Variants in KIN observed in about 807,000 individuals in gnomAD.
KIN encodes the protein DNA/RNA-binding protein KIN17.
KIN carries 47 observed loss-of-function variants against 63.0 expected under a neutral mutation model. The observed-to-expected ratio is 0.75, with a 90% CI of 0.59 to 0.95. The LOEUF (loss-of-function observed/expected upper bound fraction) is 0.95. Ranked by LOEUF, KIN falls within the 40% of genes least tolerant of loss-of-function variation. KIN has a pLI of 0.00. For missense variants in KIN, 408 were observed against 460.9 expected (o/e 0.89, Z 1.05); for synonymous variants, 160 against 157.7 (o/e 1.01, Z -0.11).
chr10:7,754,438 TC>T lies in KIN; in HGVS notation c.*1641del, dbSNP rs1253832745. ...TCATAAGGTCAAGAGATCGAGACCA[TC>T]CTGGCCAACATGGTGAAACCTCATC... On this transcript the variant is annotated 3_prime_UTR_variant, in exon 13 of 13. Coordinates refer to ENST00000379562, the MANE Select transcript of KIN (RefSeq NM_012311.4). 5.7e-6 allele frequency: 1 copy of T among 174,138 alleles called. No individual in the cohort carries two copies. Among genetic ancestry groups the T allele is most frequent in the Non-Finnish European group, 1.2e-5 (1 of 82,178 alleles). The allele number at this position is 174,138 out of a possible 1,614,324, so 10.8% of individuals were successfully genotyped here. A position where few individuals can be genotyped will look rare whatever the true frequency, so the allele number is the denominator to read the frequency against.
At chr10:7,772,620 T>A (rs55891604) in intron 7 of KIN, among the ~76,000 whole-genome samples, 8,780 of 152,290 alleles carry the variant, frequency 0.058, 857 homozygotes, top group African/African-American at 0.2. Context: ...AATCCCAAAC[T>A]ATATTATGTA....
chr10:7,779,743 AT>A (rs2131027186), intron 4 of KIN, among the ~76,000 whole-genome samples: 1 of 152,330 alleles, frequency 6.6e-6, no homozygotes, highest in East Asian at 1.9e-4. Context: ...TTTATTTTAT[AT>A]AAGGGACTTG....
chr10:7,780,935 T>C (rs1325311202), intron 2 of KIN, among the ~76,000 whole-genome samples: 1 of 152,214 alleles, frequency 6.6e-6, no homozygotes, highest in African/African-American at 2.4e-5. Flanking sequence ...GATGGTGGCA[T>C]AATGACCCCA....
chr10:7,753,787 G>C lies in KIN; in HGVS notation c.*2293C>G, dbSNP rs1047314359. ...TTTGGAAAAACCTTAATTCATCCCT[G>C]AGGAACATTTTCTGTAAAGCTTCTG... is the stretch of plus-strand genomic sequence containing the variant. On this transcript the variant is annotated 3_prime_UTR_variant, in exon 13 of 13. Coordinates refer to ENST00000379562, the MANE Select transcript of KIN (RefSeq NM_012311.4). 9 of 210,530 alleles carry C rather than the reference G, an allele frequency of 4.3e-5. No individual in the cohort carries two copies. The highest frequency in any genetic ancestry group is 1.9e-4 in the African/African-American group (8 of 42,744). 13.0% of individuals were successfully genotyped at this position (210,530 alleles called of 1,614,324 possible).
intron 5 of KIN, among the ~76,000 whole-genome samples, chr10:7,778,213 A>G (rs1835819834): frequency 6.6e-6 from 1 of 152,154 alleles, no homozygotes; most frequent in Non-Finnish European, 1.5e-5. Flanking sequence ...CCAGTACTGA[A>G]TTAATTATAA....
intron 9 of KIN, among the ~76,000 whole-genome samples, chr10:7,765,156 T>A (rs1244804407): frequency 1.1e-5 from 1 of 90,644 alleles, no homozygotes; most frequent in African/African-American, 4.8e-5. Flanking sequence ...CAAAACTCCA[T>A]CTCAAAAAAA....
Position 7,763,735 on chromosome 10 carries a change from CT to C in KIN, c.905del (p.Lys302ArgfsTer7). The C allele has an allele frequency of 4.0e-6, 6 of 1,488,148 alleles. No homozygotes were observed. The highest frequency in any genetic ancestry group is 1.2e-5 in the South Asian group (1 of 83,498). The allele number at this position is 1,488,148 out of a possible 1,614,324, so 92.2% of individuals were successfully genotyped here. On this transcript the variant is annotated frameshift_variant, in exon 10 of 13. Transcript: ENST00000379562. LOFTEE classifies it high-confidence loss of function. ...TGCACGTCCTTACCTTAACAATAGCCTTTTTCTTATGATATTTCTCTCCCAG... is the reference window on the plus strand; with the variant it reads ...TGCACGTCCTTACCTTAACAATAGCCTTTTCTTATGATATTTCTCTCCCAG... ...KKLGEKYHKK[K>X]AIVKEVIDKY...
intron 12 of KIN, among the ~76,000 whole-genome samples, chr10:7,759,075 G>A (rs536850666): frequency 1.2e-4 from 19 of 152,044 alleles, no homozygotes; most frequent in Non-Finnish European, 2.4e-4. Flanking sequence ...AACTCCCCAA[G>A]AGAACAAATA....
rs1835276507 is a variant in KIN at position 7,753,560 on chromosome 10, T to C, written c.*2520A>G. On this transcript the variant is annotated 3_prime_UTR_variant, in exon 13 of 13. Transcript: ENST00000379562. ...CCTACTATGTGCTGGACTTCATGTC[T>C]GATGATTTATATGTATTTTCTGTAG... The C allele has an allele frequency of 6.5e-6, 1 of 153,236 alleles. No homozygotes were observed. The highest frequency in any genetic ancestry group is 1.5e-5 in the Non-Finnish European group (1 of 68,786). The allele number at this position is 153,236 out of a possible 1,614,324, so 9.5% of individuals were successfully genotyped here.
chr10:7,760,046 T>C lies in KIN; in HGVS notation c.1019-56A>G, dbSNP rs1212366198. 8.2e-6 allele frequency: 7 copies of C among 855,478 alleles called. No homozygotes were observed. In the East Asian group the frequency reaches 1.8e-4, roughly 22 times the overall value. 53.0% of individuals were successfully genotyped at this position (855,478 alleles called of 1,614,324 possible). On this transcript the variant is annotated intron_variant, in intron 11 of 12. Transcript: ENST00000379562. ...TGAAGAAATATCTCCACTTTTCTTC[T>C]AACTTGTTACAGCAAAATGTACTAC...
intron 12 of KIN, among the ~76,000 whole-genome samples, chr10:7,759,579 G>A (rs994553068): frequency 6.6e-6 from 1 of 152,020 alleles, no homozygotes; most frequent in African/African-American, 2.4e-5. Flanking sequence ...ACCAAGATTG[G>A]AAAGGAACAG....
Position 7,779,764 on chromosome 10 carries a change from GA to G in KIN, c.376+291del, listed in dbSNP as rs533512018. 1.4e-3 allele frequency among the ~76,000 whole-genome samples: 219 copies of G among 152,280 alleles called. 1 individual carries two copies. The highest frequency in any genetic ancestry group is 5.1e-3 in the African/African-American group (212 of 41,558). ...TTATATAAGGGACTTGAGTATCTGT[GA>G]ATTTTGGTTATCAGCAAGGGGTCCT... On this transcript the variant is annotated intron_variant, in intron 4 of 12. Transcript: ENST00000379562.
intron 2 of KIN, among the ~76,000 whole-genome samples, chr10:7,781,177 T>C (rs1327990985): frequency 6.6e-6 from 1 of 152,164 alleles, no homozygotes; most frequent in African/African-American, 2.4e-5. Context: ...CCAGAGGTGA[T>C]TTCATTGTGG....
intron 11 of KIN, among the ~76,000 whole-genome samples, chr10:7,760,446 G>A (rs958583095): frequency 6.6e-6 from 1 of 152,130 alleles, no homozygotes; most frequent in Admixed American, 6.5e-5. Flanking sequence ...ACAAAGCTTT[G>A]TACGTATATG....
chr10:7,770,568 C>T (rs887415664), intron 7 of KIN, among the ~76,000 whole-genome samples: 1 of 151,906 alleles, frequency 6.6e-6, no homozygotes, highest in South Asian at 2.1e-4. Context: ...TACGACTCCT[C>T]TCTTGTAGTA....
intron 1 of KIN, among the ~76,000 whole-genome samples, chr10:7,787,465 C>A (rs1308619944): frequency 2.0e-5 from 3 of 152,202 alleles, no homozygotes; most frequent in Non-Finnish European, 4.4e-5. Flanking sequence ...TCTTAAGAGT[C>A]AAGTCAAGTA....
Position 7,752,872 on chromosome 10 carries a change from C to T in KIN, c.*3208G>A, listed in dbSNP as rs749872967. 5 of 152,068 alleles carry T rather than the reference C, an allele frequency of 3.3e-5. No homozygotes were observed. Among genetic ancestry groups the T allele is most frequent in the Admixed American group, 6.6e-5 (1 of 15,258 alleles). The allele number at this position is 152,068 out of a possible 1,614,324, so 9.4% of individuals were successfully genotyped here. On this transcript the variant is annotated 3_prime_UTR_variant, in exon 13 of 13. Transcript: ENST00000379562. ...CCAACTATATGACCTTCGATGGAGACAAAACTAGGGAGACAGTAAAAAGAT... is the reference window on the plus strand; with the variant it reads ...CCAACTATATGACCTTCGATGGAGATAAAACTAGGGAGACAGTAAAAAGAT...
chr10:7,778,019 G>A (rs1448141017), intron 5 of KIN, among the ~76,000 whole-genome samples: 1 of 151,924 alleles, frequency 6.6e-6, no homozygotes, highest in African/African-American at 2.4e-5. Flanking sequence ...AATATATGTT[G>A]AAATAAATGC....
intron 12 of KIN, among the ~76,000 whole-genome samples, chr10:7,759,345 A>G (rs1019644160): frequency 6.6e-6 from 1 of 152,316 alleles, no homozygotes; most frequent in Admixed American, 6.5e-5. Context: ...AACTTTATTT[A>G]TAAGTCAGAG....
Sources: allele counts gnomAD v4.1 joint callset (sites outside exome capture counted in the v4.1 genomes callset), GRCh38; gene constraint gnomAD v4.1.1; transcripts MANE v1.5; gene names NCBI Gene and HGNC (gene_info 2026-07-23, HGNC 2026-07-21).